Variants in HERC6 observed in about 807,000 individuals in gnomAD.
HERC6 encodes HECT and RLD domain containing E3 ubiquitin protein ligase family member 6.
HERC6 carries 101 observed loss-of-function variants against 114.5 expected under a neutral mutation model. The observed-to-expected ratio is 0.88, with a 90% confidence interval of 0.75 to 1.04. The LOEUF (loss-of-function observed/expected upper bound fraction) is 1.04, where lower values mean the gene tolerates loss of function less well. Ranked by LOEUF, HERC6 falls within the 50% of genes least tolerant of loss-of-function variation. The pLI, the probability that HERC6 is intolerant of heterozygous loss-of-function variation, is 0.00. For missense variants in HERC6, 1,133 were observed against 1,230.9 expected (o/e 0.92, Z 1.19); for synonymous variants, 408 against 436.2 (o/e 0.94, Z 0.81).
chr4:88,381,136 A>G (rs1250377645), intron 1 of HERC6, among the ~76,000 whole-genome samples: 1 of 152,130 alleles, frequency 6.6e-6, no homozygotes, highest in African/African-American at 2.4e-5. Context: ...TATTCTCGTA[A>G]GCAAATATTT....
chr4:88,415,006 G>A (rs1249959616), intron 12 of HERC6, among the ~76,000 whole-genome samples: 1 of 152,118 alleles, frequency 6.6e-6, no homozygotes, highest in East Asian at 1.9e-4. Flanking sequence ...CAGCCTGGGT[G>A]ACAGAGCAAT....
At chr4:88,392,928 T>A (rs1165437325) in intron 4 of HERC6, among the ~76,000 whole-genome samples, 1 of 152,220 alleles carries the variant, frequency 6.6e-6, no homozygotes, top group Non-Finnish European at 1.5e-5. Context: ...CCTTTAGAAG[T>A]TCCCCCTTGC....
At chr4:88,432,891 A>G (rs1738380686) in intron 17 of HERC6, among the ~76,000 whole-genome samples, 1 of 152,060 alleles carries the variant, frequency 6.6e-6, no homozygotes, top group Non-Finnish European at 1.5e-5. Flanking sequence ...AATCGAGACC[A>G]TCCTGGCTAG....
At chr4:88,440,392 G>A in intron 22 of HERC6, 142 bp downstream of exon 22, 1 of 612,538 alleles carries the variant, frequency 1.6e-6, no homozygotes, top group Non-Finnish European at 2.9e-6. Context: ...GGAGATCAAG[G>A]ACATGGACAC....
intron 8 of HERC6, among the ~76,000 whole-genome samples, chr4:88,400,487 G>A (rs567033786): frequency 3.9e-5 from 6 of 152,262 alleles, no homozygotes; most frequent in East Asian, 1.9e-4. Context: ...GTATACCACC[G>A]TGCCTGGCTC....
chr4:88,389,721 A>T (rs1279505139), intron 3 of HERC6, among the ~76,000 whole-genome samples: 2 of 151,998 alleles, frequency 1.3e-5, no homozygotes, highest in Non-Finnish European at 2.9e-5. Flanking sequence ...TTTTTTCTTC[A>T]TCTCTGTTTT....
At chr4:88,420,004 T>TCCTCTC (rs974167034) in intron 13 of HERC6, among the ~76,000 whole-genome samples, 5 of 151,872 alleles carry the variant, frequency 3.3e-5, no homozygotes, top group Admixed American at 3.3e-4. Context: ...CTCTGTCTTC[T>TCCTCTC]CCTCTCCCTC....
chr4:88,378,982 C>G lies in HERC6; in HGVS notation c.61C>G (p.Pro21Ala), dbSNP rs1401040134. The G allele has an allele frequency of 6.3e-7, 1 of 1,582,884 alleles. No individual in the cohort carries two copies. The highest frequency in any genetic ancestry group is 2.3e-5 in the East Asian group (1 of 43,086). ...ELQRRRTAGS[P>A]GAELLQAASG... ...GCAGCGCCGGAGGACGGCGGGCAGCCCCGGGGCTGAGCTACTGCAGGCGGC... is the reference window on the plus strand; with the variant it reads ...GCAGCGCCGGAGGACGGCGGGCAGCGCCGGGGCTGAGCTACTGCAGGCGGC... The change falls in exon 1 of 23, where the codon CCC becomes GCC. Residue 21 changes from proline to alanine, a missense_variant. Transcript: ENST00000264346.
At chr4:88,417,240 A>G (rs1736564290) in intron 12 of HERC6, among the ~76,000 whole-genome samples, 185 bp from the exon 13 acceptor site, 1 of 152,304 alleles carries the variant, frequency 6.6e-6, no homozygotes, top group South Asian at 2.1e-4. Context: ...TTAATAAGGG[A>G]AAAAAATTTC....
chr4:88,417,685 C>A, intron 13 of HERC6, 106 bp downstream of exon 13: 1 of 911,876 alleles, frequency 1.1e-6, no homozygotes, highest in Non-Finnish European at 1.6e-6. Context: ...CATGAGGAGT[C>A]AAATGTTTTT....
chr4:88,416,296 C>G (rs1474396884), intron 12 of HERC6, among the ~76,000 whole-genome samples: 1 of 152,138 alleles, frequency 6.6e-6, no homozygotes, highest in East Asian at 1.9e-4. Context: ...TCCCATTAAC[C>G]CTGTGAGAGC....
intron 3 of HERC6, among the ~76,000 whole-genome samples, chr4:88,390,093 C>T (rs539964875): frequency 2.7e-5 from 4 of 147,648 alleles, no homozygotes; most frequent in South Asian, 2.1e-4. Flanking sequence ...GCAGGAGAAT[C>T]GCTTGAAACC....
intron 13 of HERC6, among the ~76,000 whole-genome samples, chr4:88,423,449 G>T (rs1344768332): frequency 3.3e-5 from 5 of 152,144 alleles, no homozygotes; most frequent in African/African-American, 1.2e-4. Context: ...TGTAAGACAG[G>T]ACATTTTAAT....
rs1245856601 is a variant in HERC6 at position 88,413,154 on chromosome 4, C to T, written c.1446C>T (p.Phe482=). 3.7e-6 allele frequency: 6 copies of T among 1,613,634 alleles called. No homozygotes were observed. The East Asian group carries it at 6.7e-5, about 18-fold the overall frequency. ...HSPHQEALSV[F]LLLPECPVMH... The stretch of plus-strand genomic sequence containing the variant: ...CACACCAAGAAGCTTTATCAGTTTT[C>T]CTCCTGCTCCCAGAATGTCCTGTGA... The change falls in exon 12 of 23, where the codon TTC becomes TTT. Residue 482 remains phenylalanine, a synonymous_variant. Transcript: ENST00000264346.
At chr4:88,379,229 G>A (rs1043223558) in intron 1 of HERC6, 109 bp downstream of exon 1, 8 of 879,352 alleles carry the variant, frequency 9.1e-6, no homozygotes, top group South Asian at 1.9e-5. Flanking sequence ...CCCGGGTGAG[G>A]GGCGCGGGGG....
At chr4:88,402,708 C>T (rs1292437873) in intron 8 of HERC6, among the ~76,000 whole-genome samples, 1 of 152,086 alleles carries the variant, frequency 6.6e-6, no homozygotes, top group East Asian at 1.9e-4. Flanking sequence ...GTGACCAGGA[C>T]AGTGGGAGAA....
Position 88,380,268 on chromosome 4 carries a change from TATATATAATATATAA to T in HERC6, c.199+1171_199+1185del, listed in dbSNP as rs1274492317. On this transcript the variant is annotated intron_variant, in intron 1 of 22. Transcript: ENST00000264346. ...AATATATAAATATATAATATATAAA[TATATATAATATATAA>T]ATATATAATATATAAATATATATAT... 4.1e-4 allele frequency among the ~76,000 whole-genome samples: 30 copies of T among 72,986 alleles called. 2 individuals are homozygous for T. Among genetic ancestry groups the T allele is most frequent in the African/African-American group, 1.5e-3 (22 of 14,440 alleles). The allele number at this position is 72,986 out of a possible 152,430, so 47.9% of individuals were successfully genotyped here. A position where few individuals can be genotyped will look rare whatever the true frequency, so the allele number is the denominator to read the frequency against.
intron 4 of HERC6, 57 bp downstream of exon 4, chr4:88,390,936 C>A: frequency 6.9e-7 from 1 of 1,446,828 alleles, no homozygotes; most frequent in Non-Finnish European, 9.4e-7. Flanking sequence ...GGTGGAAGAC[C>A]AACTTGGCAA....
Position 88,396,063 on chromosome 4 carries a change from T to TCC in HERC6, c.808_809insCC (p.Tyr270SerfsTer20). ...AGACAATCGCTCTGGACAGCTGGGATACAGCCCCACTCCTGAGAAGAGAGG... is the reference window on the plus strand; with the variant it reads ...AGACAATCGCTCTGGACAGCTGGGATCCACAGCCCCACTCCTGAGAAGAGAGG... On this transcript the variant is annotated frameshift_variant, in exon 6 of 23. Transcript: ENST00000264346. LOFTEE classifies it high-confidence loss of function. 1.2e-6 allele frequency: 2 copies of TCC among 1,609,188 alleles called. No individual in the cohort carries two copies. Among genetic ancestry groups the TCC allele is most frequent in the Non-Finnish European group, 1.7e-6 (2 of 1,177,606 alleles).
Sources: gnomAD v4.1 joint callset for allele counts (sites outside exome capture counted in the v4.1 genomes callset) on GRCh38, gnomAD v4.1.1 for gene constraint, MANE v1.5 for transcripts, NCBI Gene and HGNC (gene_info 2026-07-23, HGNC 2026-07-21) for gene names.